LCP1: variants seen among roughly 807,000 people sequenced by gnomAD.
LCP1 encodes lymphocyte cytosolic protein 1, also known as plastin-2.
A neutral mutation model predicts 72.0 loss-of-function variants in LCP1; 23 were observed. The observed-to-expected ratio is 0.32, with a 90% CI of 0.23 to 0.45. The LOEUF is 0.45. Among genes scored for constraint, LCP1 ranks in the 20% least tolerant of loss-of-function variants. LCP1 has a pLI of 1.00. For synonymous variants in LCP1, 245 were observed against 275.4 expected, an observed-to-expected ratio of 0.89 and a Z score of 1.09; for missense variants, 571 against 748.3, an observed-to-expected ratio of 0.76 and a Z score of 2.76.
At chr13:46,144,398 G>A in intron 11 of LCP1, 44 bp downstream of exon 11, 3 of 1,398,254 alleles carry the variant, frequency 2.1e-6, no homozygotes, top group Non-Finnish European at 3.0e-6. Flanking sequence ...TGGCTCTTTT[G>A]AGGTCTCTAT....
intron 1 of LCP1, among the ~76,000 whole-genome samples, chr13:46,162,912 C>A (rs1237238445): frequency 2.0e-5 from 3 of 150,054 alleles, no homozygotes; most frequent in South Asian, 4.2e-4. Context: ...GCCCGGCAGC[C>A]GCCCTGTCTG....
intron 9 of LCP1, among the ~76,000 whole-genome samples, chr13:46,147,902 G>T (rs1169042674): frequency 6.6e-6 from 1 of 152,048 alleles, no homozygotes; most frequent in Non-Finnish European, 1.5e-5. Flanking sequence ...AGCTTTACTT[G>T]TCATTTACTT....
At chr13:46,158,177 A>G (rs1460203694) in intron 4 of LCP1, among the ~76,000 whole-genome samples, 1 of 152,218 alleles carries the variant, frequency 6.6e-6, no homozygotes, top group Non-Finnish European at 1.5e-5. Context: ...TTCCAAATCA[A>G]TGAAAACATA....
chr13:46,171,954 G>A (rs562887331), intron 1 of LCP1, among the ~76,000 whole-genome samples: 1 of 152,260 alleles, frequency 6.6e-6, no homozygotes, highest in Non-Finnish European at 1.5e-5. Flanking sequence ...CCAACTTTTC[G>A]TACATGTGGG....
At chr13:46,144,210 G>A (rs866209530) in intron 11 of LCP1, among the ~76,000 whole-genome samples, 8 of 152,320 alleles carry the variant, frequency 5.3e-5, no homozygotes, top group Middle Eastern at 3.4e-3. Context: ...TATAGTAAAT[G>A]TTTCATTTTG....
intron 15 of LCP1, 55 bp downstream of exon 15, chr13:46,130,759 C>A: frequency 6.2e-7 from 1 of 1,603,408 alleles, no homozygotes; most frequent in South Asian, 1.1e-5. Flanking sequence ...TACAACCATC[C>A]AGCTGCCAGT....
intron 1 of LCP1, among the ~76,000 whole-genome samples, chr13:46,181,179 G>A (rs1008340750): frequency 3.3e-5 from 5 of 152,154 alleles, no homozygotes; most frequent in South Asian, 4.1e-4. Context: ...AGAAAAGTTC[G>A]GTTTTGATAA....
In LCP1 at chr13:46,152,290, C is replaced by T. The variant is rs74701896; in HGVS notation, c.739+490G>A. Among the ~76,000 whole-genome samples the T allele has an allele frequency of 8.4e-3, 1,282 of 152,124 alleles. 23 individuals carry two copies. Among genetic ancestry groups the T allele is most frequent in the Admixed American group, 0.04 (606 of 15,286 alleles). On this transcript the variant is annotated intron_variant, in intron 7 of 15. Coordinates refer to ENST00000323076, the MANE Select transcript of LCP1 (RefSeq NM_002298.5). ...GCACAATATTATTAACTATAGCCCT[C>T]GTGCTGTTTAGATCTCCACTTATTC...
chr13:46,134,019 G>T (rs1593942315), intron 14 of LCP1, 108 bp downstream of exon 14: 4 of 994,912 alleles, frequency 4.0e-6, no homozygotes. Context: ...TGAAATGGGA[G>T]GGGGAGCCTC....
At chr13:46,134,033 T>C in intron 14 of LCP1, 94 bp downstream of exon 14, 1 of 1,301,538 alleles carries the variant, frequency 7.7e-7, no homozygotes, top group Non-Finnish European at 1.1e-6. Context: ...GAGCCTCTAA[T>C]ACCTACCACT....
intron 10 of LCP1, among the ~76,000 whole-genome samples, chr13:46,145,297 A>G (rs759292108): frequency 5.9e-5 from 9 of 152,352 alleles, no homozygotes; most frequent in Middle Eastern, 3.4e-3. Flanking sequence ...CAGTGTGCAG[A>G]ATCACTGAAA....
chr13:46,134,075 A>G (rs2045649502), intron 14 of LCP1, 52 bp downstream of exon 14: 6 of 1,597,408 alleles, frequency 3.8e-6, no homozygotes, highest in Non-Finnish European at 4.3e-6. Context: ...TGAAAACAAT[A>G]CAGATAGGCA....
At chr13:46,147,706 C>T (rs144753035) in intron 9 of LCP1, among the ~76,000 whole-genome samples, 2 of 152,210 alleles carry the variant, frequency 1.3e-5, no homozygotes, top group African/African-American at 4.8e-5. Flanking sequence ...ACTCAATGTG[C>T]TCAAATAATT....
Position 46,127,669 on chromosome 13 carries a change from T to A in LCP1, c.1806A>T (p.Glu602Asp), listed in dbSNP as rs773392471. The A allele has an allele frequency of 6.2e-7, 1 of 1,614,184 alleles. No individual in the cohort carries two copies. The highest frequency in any genetic ancestry group is 8.5e-7 in the Non-Finnish European group (1 of 1,180,028). The change falls in exon 16 of 16, where the codon GAA (glutamate) becomes GAT (aspartate). Residue 602 changes from glutamate (E) to aspartate (D), a missense_variant. Physicochemically the swap from Glu to Asp is conservative, Grantham distance 45. Transcript: ENST00000323076. ...KIGARVYALP[E>D]DLVEVNPKMV... ...TTTTGGGGTTCACTTCAACCAGGTC[T>A]TCTGGCAGGGCATACACTCTTGCTC...
intron 14 of LCP1, among the ~76,000 whole-genome samples, chr13:46,131,360 G>T (rs1411661513): frequency 6.6e-6 from 1 of 152,170 alleles, no homozygotes; most frequent in Non-Finnish European, 1.5e-5. Flanking sequence ...AATAACAGAT[G>T]CCAGTGAGGT....
rs780564995 is a variant in LCP1, at chr13:46,156,536, G to T, written c.393C>A (p.Asn131Lys). The stretch of plus-strand genomic sequence containing the variant: ...AATCAGGATCATTTTCCAGGGCTTT[G>T]TTTATCCAGTTGACAAAGGCATACT... ...EEKYAFVNWI[N>K]KALENDPDCR... The change falls in exon 5 of 16, where the codon AAC becomes AAA. Residue 131 changes from asparagine (N) to lysine (K), a missense_variant. Coordinates refer to ENST00000323076, the MANE Select transcript of LCP1 (RefSeq NM_002298.5). 1 of 1,614,130 alleles carries T rather than the reference G, an allele frequency of 6.2e-7. No individual in the cohort carries two copies. Among genetic ancestry groups the T allele is most frequent in the Non-Finnish European group, 8.5e-7 (1 of 1,180,004 alleles).
At chr13:46,148,300 C>T in intron 9 of LCP1, 52 bp downstream of exon 9, 1 of 1,317,260 alleles carries the variant, frequency 7.6e-7, no homozygotes, top group Admixed American at 1.7e-5. Flanking sequence ...ATGGAACTGC[C>T]AACATGAAAA....
In LCP1 at chr13:46,157,041, C is replaced by T. The variant is rs992716133; in HGVS notation, c.359-471G>A. ...TTCATCGTGTTAGCCAGGATGGTCT[C>T]GATTTCCTGACCTCGTGATCTGCCC... On this transcript the variant is annotated intron_variant, in intron 4 of 15. Transcript: ENST00000323076. 2.6e-5 allele frequency among the ~76,000 whole-genome samples: 4 copies of T among 151,762 alleles called. No homozygotes were observed. In the East Asian group the frequency reaches 5.8e-4, roughly 22 times the overall value.
At chr13:46,145,271 G>A (rs1033553277) in intron 10 of LCP1, among the ~76,000 whole-genome samples, 2 of 152,110 alleles carry the variant, frequency 1.3e-5, no homozygotes, top group Non-Finnish European at 2.9e-5. Flanking sequence ...AATCAGTACC[G>A]GGATGTGACT....
Sources: gnomAD v4.1 joint callset for allele counts (sites outside exome capture counted in the v4.1 genomes callset) on GRCh38, gnomAD v4.1.1 for gene constraint, MANE v1.5 for transcripts, NCBI Gene and HGNC (gene_info 2026-07-23, HGNC 2026-07-21) for gene names.